RALGAPA2: variants seen among roughly 807,000 people sequenced by gnomAD.
RALGAPA2 encodes ral GTPase-activating protein subunit alpha-2.
A neutral mutation model predicts 230.4 loss-of-function variants in RALGAPA2; 139 were observed. That is an observed-to-expected ratio of 0.60 (90% CI 0.53 to 0.69). The LOEUF (loss-of-function observed/expected upper bound fraction) is 0.69, where lower values mean the gene tolerates loss of function less well. RALGAPA2 is among the 30% of genes least tolerant of loss of function. RALGAPA2 has a pLI of 0.00. For missense variants in RALGAPA2, 2,163 were observed against 2,276.0 expected (o/e 0.95, Z 1.01); for synonymous variants, 847 against 837.8 (o/e 1.01, Z -0.19).
At chr20:20,452,920 C>A (rs952047234) in intron 37 of RALGAPA2, among the ~76,000 whole-genome samples, 1 of 152,104 alleles carries the variant, frequency 6.6e-6, no homozygotes, top group Non-Finnish European at 1.5e-5. Context: ...TGGTGGGGAG[C>A]CGTGAGTTGA....
At chr20:20,623,668 C>T (rs2066393184) in intron 10 of RALGAPA2, among the ~76,000 whole-genome samples, 2 of 152,138 alleles carry the variant, frequency 1.3e-5, no homozygotes, top group South Asian at 4.1e-4. Context: ...GAGGTGCATT[C>T]AGGATAATTT....
intron 37 of RALGAPA2, among the ~76,000 whole-genome samples, chr20:20,429,084 C>T (rs554508928): frequency 3.9e-5 from 6 of 152,208 alleles, no homozygotes; most frequent in Non-Finnish European, 8.8e-5. Flanking sequence ...GGCTGCCACT[C>T]ATGAAGCTCT....
rs187655494 is a variant in RALGAPA2 at position 20,473,071 on chromosome 20, G to A, written c.5368-115C>T. 1.0e-4 allele frequency: 114 copies of A among 1,138,428 alleles called. No homozygotes were observed. The African/African-American group carries it at 1.7e-3, about 17-fold the overall frequency. The allele number at this position is 1,138,428 out of a possible 1,614,324, so 70.5% of individuals were successfully genotyped here. ...ATGAGCACTTAAGCTGTCACCCACA[G>A]AGCAGACGCTGACCTTAACAGGACA... On this transcript the variant is annotated intron_variant, in intron 36 of 39. Transcript: ENST00000202677.
intron 1 of RALGAPA2, 48 bp from the exon 2 acceptor site, chr20:20,680,849 C>T (rs1266678927): frequency 6.6e-6 from 10 of 1,513,418 alleles, no homozygotes; most frequent in Non-Finnish European, 8.8e-6. Context: ...TATAAAATCA[C>T]AAGAATTTAG....
Position 20,635,593 on chromosome 20 carries a change from G to A in RALGAPA2, c.830C>T (p.Pro277Leu), listed in dbSNP as rs6112962. ...GTCTCGAGTGGTAGTAATGTACACA[G>A]GCTTTGGTCTCAAATGGGGGATGTC... ...VLDIPHLRPK[P>L]VYITTTRDNE... is the part of the protein sequence containing the mutation. Residue 277 changes from proline to leucine, a missense_variant, in exon 9 of 40, where the codon CCT (proline) becomes CTT (leucine). Physicochemically the swap from Pro to Leu is moderately conservative, Grantham distance 98 (BLOSUM62 -3). Transcript: ENST00000202677. 6.4e-7 allele frequency: 1 copy of A among 1,563,260 alleles called. No homozygotes were observed. The highest frequency in any genetic ancestry group is 8.6e-7 in the Non-Finnish European group (1 of 1,162,430).
chr20:20,704,569 TGA>T (rs1234256878), intron 1 of RALGAPA2, among the ~76,000 whole-genome samples: 1 of 152,184 alleles, frequency 6.6e-6, no homozygotes, highest in Non-Finnish European at 1.5e-5. Context: ...TCATTCCCTC[TGA>T]GAGTAGGATT....
At chr20:20,575,994 T>C (rs1038985222) in intron 20 of RALGAPA2, among the ~76,000 whole-genome samples, 4 of 152,170 alleles carry the variant, frequency 2.6e-5, no homozygotes, top group Non-Finnish European at 5.9e-5. Flanking sequence ...ATGTCTTTGT[T>C]ACTCATTTCT....
chr20:20,608,828 G>T (rs1392903173), intron 14 of RALGAPA2, among the ~76,000 whole-genome samples: 1 of 152,050 alleles, frequency 6.6e-6, no homozygotes, highest in African/African-American at 2.4e-5. Context: ...AACCCTGCAG[G>T]GTAAGAAGAA....
chr20:20,419,653 C>T (rs2060236195), intron 37 of RALGAPA2, among the ~76,000 whole-genome samples: 1 of 152,200 alleles, frequency 6.6e-6, no homozygotes, highest in African/African-American at 2.4e-5. Flanking sequence ...TACAAAATTA[C>T]TGTTGTTAGA....
rs1189048584 is a variant in RALGAPA2, at chr20:20,635,636, CAT to C, written c.806-21_806-20del. 8.7e-6 allele frequency: 13 copies of C among 1,488,304 alleles called. No individual in the cohort carries two copies. Among genetic ancestry groups the C allele is most frequent in the Non-Finnish European group, 1.1e-5 (12 of 1,105,762 alleles). 92.2% of individuals were successfully genotyped at this position (1,488,304 alleles called of 1,614,324 possible). On this transcript the variant is annotated intron_variant, in intron 8 of 39. Coordinates refer to ENST00000202677, the MANE Select transcript of RALGAPA2 (RefSeq NM_020343.4). ...GGGATGTCTGGTAGAAGAAAGAACA[CAT>C]GATTGATTAGGTTAATAAATCATAA...
At chr20:20,505,299 T>C in intron 34 of RALGAPA2, 112 bp downstream of exon 34, 1 of 1,274,126 alleles carries the variant, frequency 7.8e-7, no homozygotes, top group Non-Finnish European at 1.0e-6. Flanking sequence ...CAGAACTCTA[T>C]CTATGCTATA....
chr20:20,533,310 A>G (rs2063414477), intron 26 of RALGAPA2, among the ~76,000 whole-genome samples: 1 of 152,106 alleles, frequency 6.6e-6, no homozygotes, highest in South Asian at 2.1e-4. Context: ...ATCTAAAAGA[A>G]GACTATAAAA....
intron 3 of RALGAPA2, among the ~76,000 whole-genome samples, chr20:20,671,225 C>G (rs1373188287): frequency 6.6e-6 from 1 of 152,212 alleles, no homozygotes; most frequent in East Asian, 1.9e-4. Flanking sequence ...TTTCCTTTTC[C>G]AAGGTTCCCT....
At chr20:20,493,097 C>T (rs1484571379) in intron 36 of RALGAPA2, among the ~76,000 whole-genome samples, 1 of 152,136 alleles carries the variant, frequency 6.6e-6, no homozygotes, top group African/African-American at 2.4e-5. Flanking sequence ...GATTCTGTAA[C>T]CTGATAGAGA....
intron 38 of RALGAPA2, among the ~76,000 whole-genome samples, chr20:20,402,316 T>C (rs557213264): frequency 6.6e-6 from 1 of 152,354 alleles, no homozygotes; most frequent in East Asian, 1.9e-4. Context: ...GAGACCATTT[T>C]TGTAAGAGTA....
chr20:20,477,734 T>C (rs934878447), intron 36 of RALGAPA2, among the ~76,000 whole-genome samples: 1 of 152,100 alleles, frequency 6.6e-6, no homozygotes, highest in African/African-American at 2.4e-5. Context: ...TATAGGCCTG[T>C]GCCACCAAGC....
chr20:20,549,672 C>T (rs879694636), intron 23 of RALGAPA2, among the ~76,000 whole-genome samples: 4 of 152,098 alleles, frequency 2.6e-5, no homozygotes, highest in African/African-American at 9.7e-5. Context: ...TAGGAATAAC[C>T]ACGTGGTACT....
At chr20:20,595,014 C>A (rs2065409330) in intron 16 of RALGAPA2, among the ~76,000 whole-genome samples, 1 of 152,026 alleles carries the variant, frequency 6.6e-6, no homozygotes, top group Non-Finnish European at 1.5e-5. Context: ...CCACTGCGCC[C>A]GGCCTAAACT....
At chr20:20,572,204 T>A (rs1347447582) in intron 21 of RALGAPA2, among the ~76,000 whole-genome samples, 2 of 152,140 alleles carry the variant, frequency 1.3e-5, no homozygotes, top group African/African-American at 4.8e-5. Flanking sequence ...AGGTCCTGAA[T>A]TCCAAACGAT....
Sources: allele counts gnomAD v4.1 joint callset (sites outside exome capture counted in the v4.1 genomes callset), GRCh38; gene constraint gnomAD v4.1.1; transcripts MANE v1.5; gene names NCBI Gene and HGNC (gene_info 2026-07-23, HGNC 2026-07-21).